ZNF600: variants seen among roughly 807,000 people sequenced by gnomAD.
ZNF600 encodes the protein zinc finger protein 600.
ZNF600 carries 4 observed loss-of-function variants against 7.3 expected under a neutral mutation model. The ratio of observed to expected loss-of-function variants is 0.55; its 90% CI spans 0.27 to 1.25. The LOEUF (loss-of-function observed/expected upper bound fraction) is 1.25, where lower values mean the gene tolerates loss of function less well. Among genes scored for constraint, ZNF600 ranks in the 50% most tolerant of loss-of-function variants. ZNF600 has a pLI of 0.12. For missense variants in ZNF600, 911 were observed against 922.1 expected (o/e 0.99, Z 0.16); for synonymous variants, 290 against 308.9 (o/e 0.94, Z 0.64).
the ZNF600 span, among the ~76,000 whole-genome samples, chr19:52,817,265 G>C: frequency 0.59 from 88,977 of 151,758 alleles, 27,304 homozygotes; most frequent in Non-Finnish European, 0.69. Flanking sequence ...CCAGCTACTC[G>C]GGAGGCTGAG....
exon 4 of ZNF600, chr19:52,764,704 A>C (rs1468690819): frequency 6.6e-6 from 1 of 152,316 alleles, no homozygotes; most frequent in African/African-American, 2.4e-5. Flanking sequence ...TTTTTAGTAG[A>C]GATGGGGTTT....
the ZNF600 span, chr19:52,800,722 T>C: frequency 7.9e-5 from 127 of 1,613,696 alleles, no homozygotes; most frequent in Middle Eastern, 1.6e-4. Flanking sequence ...GTATGAAGCC[T>C]ACGATGGCGT....
intron 2 of ZNF600, among the ~76,000 whole-genome samples, chr19:52,776,079 C>CCATGTGCTGTA (rs201965550): frequency 1.9e-5 from 2 of 107,038 alleles, no homozygotes; most frequent in South Asian, 2.9e-4. Flanking sequence ...TGAATGCTTC[C>CCATGTGCTGTA]CACTGTTCTA....
At chr19:52,812,271 G>A in the ZNF600 span, among the ~76,000 whole-genome samples, 1 of 139,782 alleles carries the variant, frequency 7.2e-6, no homozygotes, top group Non-Finnish European at 1.5e-5. Context: ...GGTGTGCCCA[G>A]CGGCTCATTG....
chr19:52,829,173 T>C, the ZNF600 span, among the ~76,000 whole-genome samples: 1 of 140,974 alleles, frequency 7.1e-6, no homozygotes, highest in Non-Finnish European at 1.5e-5. Context: ...CTTATTTTTA[T>C]TTTTTTCTTT....
At chr19:52,787,311 C>T (rs143760011), upstream of ZNF600, among the ~76,000 whole-genome samples, 1 of 152,110 alleles carries the variant, frequency 6.6e-6, no homozygotes, top group African/African-American at 2.4e-5. Context: ...CGGGAGAATC[C>T]CTGAACCTGG....
At chr19:52,800,631 T>C in the ZNF600 span, 1 of 1,613,420 alleles carries the variant, frequency 6.2e-7, no homozygotes, top group South Asian at 1.1e-5. Context: ...CTCTCCAGTA[T>C]GAATCCTCTT....
upstream of ZNF600, among the ~76,000 whole-genome samples, chr19:52,790,483 C>T (rs7248863): frequency 0.87 from 132,251 of 151,868 alleles, 57,847 homozygotes; most frequent in Non-Finnish European, 0.9. Context: ...GGCAACAGAG[C>T]GAGACTCCAT....
rs189571179 is a variant in ZNF600, at chr19:52,776,251, G to T, written c.64-1550C>A. 1.2e-3 allele frequency among the ~76,000 whole-genome samples: 176 copies of T among 151,710 alleles called. 1 individual carries two copies. The highest frequency in any genetic ancestry group is 3.1e-3 in the African/African-American group (130 of 41,378). On this transcript the variant is annotated intron_variant, in intron 2 of 3. Coordinates refer to ENST00000648973, the Ensembl canonical transcript of ZNF600. ...ATCCAGATGTCTGGGATTCACATTTGAATATAAACGCTGAAGTAACAGATA... is the reference window on the plus strand; with the variant it reads ...ATCCAGATGTCTGGGATTCACATTTTAATATAAACGCTGAAGTAACAGATA...
chr19:52,817,323 G>T, the ZNF600 span, among the ~76,000 whole-genome samples: 1 of 152,050 alleles, frequency 6.6e-6, no homozygotes, highest in Non-Finnish European at 1.5e-5. Context: ...GGTGAGCTGA[G>T]ATCACGCCAT....
At chr19:52,810,890 C>T in the ZNF600 span, among the ~76,000 whole-genome samples, 2 of 15,184 alleles carry the variant, frequency 1.3e-4, no homozygotes, top group African/African-American at 5.2e-4. Context: ...CCTCCCCCTC[C>T]CCCTCCCCCT....
the ZNF600 span, among the ~76,000 whole-genome samples, chr19:52,823,677 T>C: frequency 6.6e-6 from 1 of 152,198 alleles, no homozygotes; most frequent in Non-Finnish European, 1.5e-5. Flanking sequence ...ACTATCGCCC[T>C]TGTAGTTTGC....
At chr19:52,830,171 C>T in the ZNF600 span, among the ~76,000 whole-genome samples, 1 of 151,942 alleles carries the variant, frequency 6.6e-6, no homozygotes, top group African/African-American at 2.4e-5. Context: ...TACTTGGGAG[C>T]CTCAGGCAGG....
chr19:52,768,269 G>A (rs111658317), intron 3 of ZNF600, among the ~76,000 whole-genome samples: 10 of 151,292 alleles, frequency 6.6e-5, no homozygotes, highest in Non-Finnish European at 7.4e-5. Flanking sequence ...TTATAGCACC[G>A]AGAAGAGAAG....
At chr19:52,810,070 G>T in the ZNF600 span, 4 of 751,098 alleles carry the variant, frequency 5.3e-6, no homozygotes, top group African/African-American at 5.2e-5. Flanking sequence ...GGAGCTCCAG[G>T]ACCTGGGCCT....
chr19:52,799,484 T>C, the ZNF600 span: 863,751 of 982,432 alleles, frequency 0.88, 381,249 homozygotes, highest in East Asian at 0.93. Flanking sequence ...CAAGGGTTGT[T>C]TTTTGATTAA....
the ZNF600 span, chr19:52,799,752 T>C: frequency 1.9e-6 from 3 of 1,614,144 alleles, no homozygotes; most frequent in South Asian, 1.1e-5. Flanking sequence ...ACTGAAGGTC[T>C]TGCCACACTC....
At chr19:52,811,462 G>A in the ZNF600 span, among the ~76,000 whole-genome samples, 26 of 147,638 alleles carry the variant, frequency 1.8e-4, no homozygotes, top group South Asian at 2.4e-3. Flanking sequence ...CCTCTTCCCC[G>A]CCGCCATCCC....
At chr19:52,828,253 T>G in the ZNF600 span, among the ~76,000 whole-genome samples, 1 of 152,000 alleles carries the variant, frequency 6.6e-6, no homozygotes, top group Non-Finnish European at 1.5e-5. Flanking sequence ...GGTTTCACCA[T>G]GTAGGCCAGG....
Sources: allele counts gnomAD v4.1 joint callset (sites outside exome capture counted in the v4.1 genomes callset), GRCh38; gene constraint gnomAD v4.1.1; transcripts MANE v1.5; gene names NCBI Gene and HGNC (gene_info 2026-07-23, HGNC 2026-07-21).